ZFAND6: variants seen among roughly 807,000 people sequenced by gnomAD.
The protein encoded by ZFAND6 is AN1-type zinc finger protein 6.
ZFAND6 carries 12 observed loss-of-function variants against 24.5 expected under a neutral mutation model. The ratio of observed to expected loss-of-function variants is 0.49; its 90% CI spans 0.31 to 0.79. ZFAND6 has a LOEUF of 0.79. Ranked by LOEUF, ZFAND6 falls within the 30% of genes least tolerant of loss-of-function variation. The pLI, the probability that ZFAND6 is intolerant of heterozygous loss-of-function variation, is 0.04. For missense variants in ZFAND6, 207 were observed against 245.9 expected (o/e 0.84, Z 1.06); for synonymous variants, 92 against 81.5 (o/e 1.13, Z -0.69).
chr15:80,071,378 TCA>T (rs2036969194), intron 1 of ZFAND6, among the ~76,000 whole-genome samples: 2 of 152,180 alleles, frequency 1.3e-5, no homozygotes, highest in Admixed American at 6.5e-5. Flanking sequence ...AGTTTATGAA[TCA>T]CAGGATTTTT....
chr15:80,084,576 C>T lies in ZFAND6; in HGVS notation c.-180-13840C>T, dbSNP rs888715196. 4.6e-5 allele frequency among the ~76,000 whole-genome samples: 7 copies of T among 152,254 alleles called. No individual in the cohort carries two copies. In the East Asian group the frequency reaches 1.4e-3, roughly 29 times the overall value. ...ATTTAATTACTAATTTACGTGGGGG[C>T]AGTGTGTCAGAAATGACCAAGGCGT... On this transcript the variant is annotated intron_variant, in intron 1 of 6. Transcript: ENST00000261749.
At chr15:80,092,008 A>G (rs528335988) in intron 1 of ZFAND6, among the ~76,000 whole-genome samples, 20 of 152,266 alleles carry the variant, frequency 1.3e-4, no homozygotes, top group African/African-American at 4.8e-4. Context: ...GAAGGTAGAC[A>G]TTTGCTCCCT....
intron 1 of ZFAND6, among the ~76,000 whole-genome samples, chr15:80,091,469 A>G (rs983342678): frequency 1.3e-5 from 2 of 152,208 alleles, no homozygotes; most frequent in Non-Finnish European, 1.5e-5. Flanking sequence ...TTGCTTTCGC[A>G]GAGTTCCGTT....
At chr15:80,117,485 G>A (rs2039932817) in intron 2 of ZFAND6, among the ~76,000 whole-genome samples, 1 of 152,192 alleles carries the variant, frequency 6.6e-6, no homozygotes, top group Admixed American at 6.5e-5. Flanking sequence ...GCCTCCCAAA[G>A]TGCTGGGATT....
chr15:80,120,189 A>G (rs2040084540), intron 2 of ZFAND6, 139 bp from the exon 3 acceptor site: 2 of 625,836 alleles, frequency 3.2e-6, no homozygotes, highest in South Asian at 9.9e-5. Flanking sequence ...TCTCCTTTTT[A>G]GCCCTATGTC....
chr15:80,118,036 A>G (rs12148816), intron 2 of ZFAND6, among the ~76,000 whole-genome samples: 85,955 of 145,542 alleles, frequency 0.59, 26,022 homozygotes, highest in Non-Finnish European at 0.69. Flanking sequence ...GTGTGTGTGT[A>G]TATGTATGTA....
intron 1 of ZFAND6, among the ~76,000 whole-genome samples, chr15:80,063,860 A>C (rs757932394): frequency 2.0e-5 from 3 of 151,952 alleles, no homozygotes; most frequent in Admixed American, 6.6e-5. Context: ...CTAAATTTTT[A>C]TGTTTTTAGT....
At chr15:80,117,374 C>T (rs185297682) in intron 2 of ZFAND6, among the ~76,000 whole-genome samples, 86 of 152,276 alleles carry the variant, frequency 5.6e-4, no homozygotes, top group Non-Finnish European at 1.8e-4. Flanking sequence ...AGGCTCCTGC[C>T]GCTATGCCTG....
chr15:80,105,344 G>C (rs2039265693), intron 2 of ZFAND6, among the ~76,000 whole-genome samples: 1 of 152,168 alleles, frequency 6.6e-6, no homozygotes, highest in Admixed American at 6.5e-5. Context: ...TCTCCTAACA[G>C]GTGATTACTG....
At chr15:80,102,434 A>T (rs1208211269) in intron 2 of ZFAND6, among the ~76,000 whole-genome samples, 1 of 152,146 alleles carries the variant, frequency 6.6e-6, no homozygotes, top group Admixed American at 6.5e-5. Flanking sequence ...CTTTTGAATA[A>T]AGGTATTGAC....
Position 80,122,680 on chromosome 15 carries a change from G to A in ZFAND6, c.264-20G>A. 1 of 1,528,290 alleles carries A rather than the reference G, an allele frequency of 6.5e-7. No homozygotes were observed. Among genetic ancestry groups the A allele is most frequent in the Non-Finnish European group, 9.1e-7 (1 of 1,103,894 alleles). 94.7% of individuals were successfully genotyped at this position (1,528,290 alleles called of 1,614,324 possible). A position where few individuals can be genotyped will look rare whatever the true frequency, so the allele number is the denominator to read the frequency against. Reference sequence around the variant, plus strand: ...ATGTGTAGAGATCACCTTTTAAAATGAAATATTTTGCTTTTCTAGCCCTGT... The same window carrying A: ...ATGTGTAGAGATCACCTTTTAAAATAAAATATTTTGCTTTTCTAGCCCTGT... On this transcript the variant is annotated intron_variant, in intron 4 of 6. Transcript: ENST00000261749.
chr15:80,078,652 G>A (rs1485496582), intron 1 of ZFAND6, among the ~76,000 whole-genome samples: 2 of 152,130 alleles, frequency 1.3e-5, no homozygotes, highest in East Asian at 1.9e-4. Flanking sequence ...TTCCACAGTG[G>A]CTGGACTAAT....
chr15:80,102,364 CT>C (rs1259170759), intron 2 of ZFAND6, among the ~76,000 whole-genome samples: 1 of 150,102 alleles, frequency 6.7e-6, no homozygotes, highest in East Asian at 2.0e-4. Flanking sequence ...CCGCCTCCCA[CT>C]CGGCCTCCCA....
chr15:80,084,497 G>A (rs2037873167), intron 1 of ZFAND6, among the ~76,000 whole-genome samples: 1 of 152,222 alleles, frequency 6.6e-6, no homozygotes, highest in Non-Finnish European at 1.5e-5. Flanking sequence ...AAGTGGGAGG[G>A]AGGAGGGCCT....
chr15:80,133,093 A>G (rs535559524), intron 6 of ZFAND6, among the ~76,000 whole-genome samples: 98 of 152,264 alleles, frequency 6.4e-4, no homozygotes, highest in African/African-American at 2.2e-3. Flanking sequence ...AAGGCATACT[A>G]TGATTCAAGA....
intron 4 of ZFAND6, 96 bp from the exon 5 acceptor site, chr15:80,122,604 T>G: frequency 1.4e-6 from 1 of 739,594 alleles, no homozygotes; most frequent in African/African-American, 1.7e-5. Context: ...CTCATCTTAA[T>G]TATCTACTTA....
intron 5 of ZFAND6, chr15:80,130,581 T>C (rs1433740470): frequency 6.6e-6 from 1 of 152,244 alleles, no homozygotes; most frequent in Admixed American, 6.5e-5. Flanking sequence ...TTAACCCGAA[T>C]CTTGGTAAAT....
chr15:80,068,475 G>T (rs2141805100), intron 1 of ZFAND6, among the ~76,000 whole-genome samples: 1 of 152,086 alleles, frequency 6.6e-6, no homozygotes, highest in South Asian at 2.1e-4. Context: ...GGGTTCAAGT[G>T]ATTCTCCTGC....
intron 1 of ZFAND6, among the ~76,000 whole-genome samples, chr15:80,064,383 TC>T (rs2036497425): frequency 1.3e-5 from 2 of 152,218 alleles, no homozygotes; most frequent in African/African-American, 4.8e-5. Flanking sequence ...CCTCCATCTT[TC>T]CTTCCCTTTC....
Sources: allele counts gnomAD v4.1 joint callset (sites outside exome capture counted in the v4.1 genomes callset), GRCh38; gene constraint gnomAD v4.1.1; transcripts MANE v1.5; gene names NCBI Gene and HGNC (gene_info 2026-07-23, HGNC 2026-07-21).